The following MZT2B variants were observed in gnomAD, a reference collection of about 807,000 sequenced individuals.
The protein encoded by MZT2B is mitotic-spindle organizing protein 2B.
A neutral mutation model predicts 12.1 loss-of-function variants in MZT2B; 11 were observed. The ratio of observed to expected loss-of-function variants is 0.91; its 90% CI spans 0.57 to 1.50. The LOEUF is 1.50. Ranked by LOEUF, MZT2B falls within the 40% of genes most tolerant of loss-of-function variation. MZT2B has a pLI of 0.00. For missense variants in MZT2B, 209 were observed against 227.7 expected, an observed-to-expected ratio of 0.92 and a Z score of 0.53; for synonymous variants, 85 against 109.5, an observed-to-expected ratio of 0.78 and a Z score of 1.40.
upstream of MZT2B, chr2:130,181,710 G>A (rs1178854581): frequency 1.3e-6 from 2 of 1,548,502 alleles, no homozygotes; most frequent in Non-Finnish European, 1.7e-6. Context: ...GGCCGGGCGG[G>A]GAAGAGAAAT....
chr2:130,182,989 C>A, intron 2 of MZT2B: 5 of 841,154 alleles, frequency 5.9e-6, no homozygotes, highest in Non-Finnish European at 7.1e-6. Context: ...AGTGCGTACC[C>A]CAGGGTGGTC....
chr2:130,202,195 T>C, the MZT2B span: 9 of 682,332 alleles, frequency 1.3e-5, no homozygotes, highest in Admixed American at 1.4e-4. Context: ...TTTTATTTAG[T>C]ATACAGCACT....
At chr2:130,193,901 G>C, downstream of MZT2B, 1 of 1,614,252 alleles carries the variant, frequency 6.2e-7, no homozygotes, top group Non-Finnish European at 8.5e-7. Context: ...CATGCAGCAG[G>C]CCATGTACTT....
the MZT2B span, chr2:130,198,329 C>G: frequency 1.5e-6 from 2 of 1,353,254 alleles, no homozygotes; most frequent in African/African-American, 3.1e-5. Context: ...GCCTGGGCAT[C>G]TGCGGGGCGG....
chr2:130,201,132 C>CT, the MZT2B span, among the ~76,000 whole-genome samples: 1 of 152,222 alleles, frequency 6.6e-6, no homozygotes, highest in African/African-American at 2.4e-5. Flanking sequence ...TTTCTGTGGC[C>CT]TTTGGGGACC....
chr2:130,202,733 A>G, the MZT2B span, among the ~76,000 whole-genome samples: 936 of 152,100 alleles, frequency 6.2e-3, 7 homozygotes, highest in South Asian at 0.011. Flanking sequence ...TCAACCCCGC[A>G]GAGTAAGCAG....
chr2:130,193,647 A>T (rs1690325800), downstream of MZT2B: 1 of 1,101,680 alleles, frequency 9.1e-7, no homozygotes. Flanking sequence ...TCAATTATCA[A>T]CTCTGGTTCA....
rs115531332 is a variant in MZT2B, at chr2:130,189,427, G to A, written c.320-1042G>A. 6.6e-3 allele frequency among the ~76,000 whole-genome samples: 1,009 copies of A among 152,320 alleles called. 15 individuals carry two copies. Among genetic ancestry groups the A allele is most frequent in the Middle Eastern group, 0.017 (5 of 294 alleles). The stretch of plus-strand genomic sequence containing the variant: ...GGAACATGTAGCTGATTAGGTCAGA[G>A]TAGTCAAGGCACTTCCTCAGTCAGG... On this transcript the variant is annotated intron_variant, in intron 2 of 2. Transcript: ENST00000281871.
intron 2 of MZT2B, chr2:130,183,846 A>T: frequency 1.9e-6 from 3 of 1,550,592 alleles, no homozygotes; most frequent in East Asian, 4.9e-5. Context: ...CTTTTCCTCC[A>T]GCCCGCAGCC....
rs142219452 is a variant in MZT2B at position 130,189,651 on chromosome 2, C to T, written c.320-818C>T. ...GCACGTTTGTACCTTGGAGGGTCCT[C>T]TCAGTCTTGCCGATGCTGTCAACAC... On this transcript the variant is annotated intron_variant, in intron 2 of 2. Transcript: ENST00000281871. Among the ~76,000 whole-genome samples, 825 of 152,318 alleles carry T rather than the reference C, an allele frequency of 5.4e-3. 10 individuals carry two copies. The highest frequency in any genetic ancestry group is 0.019 in the African/African-American group (774 of 41,570).
rs1310666907 is a variant in MZT2B, at chr2:130,182,621, C to T, written c.171-6C>T. The T allele has an allele frequency of 2.6e-6, 4 of 1,531,752 alleles. No homozygotes were observed. The highest frequency in any genetic ancestry group is 1.4e-5 in the African/African-American group (1 of 72,882). 94.9% of individuals were successfully genotyped at this position (1,531,752 alleles called of 1,614,324 possible). ...GGCTCACCGGCCCCGCGTCTGTCCC[C>T]GCCAGGATCCTGGTGGACCTGCTGA... On this transcript the variant is annotated splice_region_variant and splice_polypyrimidine_tract_variant and intron_variant, in intron 1 of 2. Coordinates refer to ENST00000281871, the MANE Select transcript of MZT2B (RefSeq NM_025029.5).
At chr2:130,191,814 C>T (rs768456120), downstream of MZT2B, 3 of 1,585,584 alleles carry the variant, frequency 1.9e-6, no homozygotes, top group East Asian at 6.7e-5. Flanking sequence ...CAGGGGAGAA[C>T]CCACCACACC....
At chr2:130,187,972 A>G (rs1167526929) in intron 2 of MZT2B, among the ~76,000 whole-genome samples, 26 of 151,650 alleles carry the variant, frequency 1.7e-4, no homozygotes, top group Non-Finnish European at 2.7e-4. Context: ...CCAGGCCGTG[A>G]GTTTGGGGCA....
chr2:130,195,527 G>A (rs544745694), downstream of MZT2B, among the ~76,000 whole-genome samples: 5 of 152,298 alleles, frequency 3.3e-5, no homozygotes, highest in African/African-American at 1.2e-4. Flanking sequence ...TCTTTCCTAC[G>A]TGTAGCTACA....
At position 130,182,553 on chromosome 2, in the gene MZT2B, T is replaced by C. The variant is rs945151036; in HGVS notation, c.171-74T>C. 68 of 1,566,174 alleles carry C rather than the reference T, an allele frequency of 4.3e-5. No individual in the cohort carries two copies. The African/African-American group carries it at 7.3e-4, about 17-fold the overall frequency. On this transcript the variant is annotated intron_variant, in intron 1 of 2. Coordinates refer to ENST00000281871, the MANE Select transcript of MZT2B (RefSeq NM_025029.5). Reference sequence around the variant, plus strand: ...TGGTCGGGAGGAGCCCCCGCCCCCGTCCTTGTCGGGTCTTCAGGGAGGTGG... The same window carrying C: ...TGGTCGGGAGGAGCCCCCGCCCCCGCCCTTGTCGGGTCTTCAGGGAGGTGG...
chr2:130,202,832 G>A, the MZT2B span, among the ~76,000 whole-genome samples: 2 of 152,256 alleles, frequency 1.3e-5, no homozygotes, highest in Non-Finnish European at 2.9e-5. Context: ...CCTGACACCA[G>A]TGACCTCGTC....
At chr2:130,183,776 C>T (rs1689924932) in intron 2 of MZT2B, 4 of 1,550,682 alleles carry the variant, frequency 2.6e-6, no homozygotes, top group Non-Finnish European at 3.5e-6. Context: ...GTGTCTCTCT[C>T]TGACCTCCAG....
intron 2 of MZT2B, among the ~76,000 whole-genome samples, chr2:130,183,358 T>A (rs1329286761): frequency 2.0e-5 from 3 of 152,176 alleles, no homozygotes; most frequent in African/African-American, 7.2e-5. Context: ...TTCCCTCTGA[T>A]GACTGCAGGA....
chr2:130,183,693 C>T (rs1005053858), intron 2 of MZT2B: 9 of 1,548,408 alleles, frequency 5.8e-6, no homozygotes, highest in African/African-American at 1.4e-5. Flanking sequence ...GGCACCCACA[C>T]CCGCTGACCC....
Sources: allele counts gnomAD v4.1 joint callset (sites outside exome capture counted in the v4.1 genomes callset), GRCh38; gene constraint gnomAD v4.1.1; transcripts MANE v1.5; gene names NCBI Gene and HGNC (gene_info 2026-07-23, HGNC 2026-07-21).